The following SHANK2 variants were observed in gnomAD, a reference collection of about 807,000 sequenced individuals.
SHANK2 encodes SH3 and multiple ankyrin repeat domains 2, also known as SH3 and multiple ankyrin repeat domains protein 2.
In SHANK2, 43 loss-of-function variants were observed where a neutral mutation model predicts 133.7. The ratio of observed to expected loss-of-function variants is 0.32; its 90% CI spans 0.25 to 0.41. SHANK2 has a LOEUF of 0.41. Among genes scored for constraint, SHANK2 ranks in the 10% least tolerant of loss-of-function variants. The pLI is 1.00. For missense variants in SHANK2, 1,994 were observed against 2,235.8 expected (o/e 0.89, Z 2.18); for synonymous variants, 1,017 against 952.8 (o/e 1.07, Z -1.24).
At chr11:70,580,040 T>A (rs540854835) in intron 17 of SHANK2, among the ~76,000 whole-genome samples, 96 of 152,324 alleles carry the variant, frequency 6.3e-4, no homozygotes, top group Non-Finnish European at 1.0e-3. Flanking sequence ...GACTTCTGGC[T>A]TTCACAACGC....
At position 70,661,645 on chromosome 11, in the gene SHANK2, C is replaced by T; in HGVS notation, c.1887G>A (p.Leu629=). 6.2e-7 allele frequency: 1 copy of T among 1,614,028 alleles called. No homozygotes were observed. Among genetic ancestry groups the T allele is most frequent in the African/African-American group, 1.3e-5 (1 of 74,998 alleles). Residue 629 remains leucine (L), a synonymous_variant, in exon 16 of 26, where the codon CTG becomes CTA. Transcript: ENST00000601538. ...DCIIEEKTVV[L]QKKDNEGFGF... ...CAAAGCCCTCATTGTCTTTTTTCTG[C>T]AGGACCACCGTCTTCTCCTCAATAA... is the stretch of plus-strand genomic sequence containing the variant.
intron 17 of SHANK2, among the ~76,000 whole-genome samples, chr11:70,516,110 G>A (rs1207423243): frequency 6.6e-6 from 1 of 152,088 alleles, no homozygotes; most frequent in East Asian, 1.9e-4. Flanking sequence ...CAATTATTTT[G>A]TGAATACTGA....
intron 2 of SHANK2, among the ~76,000 whole-genome samples, chr11:71,210,902 C>A (rs1591024094): frequency 6.6e-6 from 1 of 152,184 alleles, no homozygotes; most frequent in Admixed American, 6.5e-5. Flanking sequence ...GCACTCCCCT[C>A]ATCCTCACGG....
At chr11:71,218,261 C>CTTTTTTTTTTTTTTTTT (rs71049964) in intron 2 of SHANK2, among the ~76,000 whole-genome samples, 1 of 72,522 alleles carries the variant, frequency 1.4e-5, no homozygotes, top group African/African-American at 4.8e-5. Flanking sequence ...TTTTCTTTTT[C>CTTTTTTTTTTTTTTTTT]TTTTTTTTTT....
chr11:70,850,230 G>A (rs1339146435), intron 11 of SHANK2, among the ~76,000 whole-genome samples: 1 of 152,158 alleles, frequency 6.6e-6, no homozygotes, highest in Non-Finnish European at 1.5e-5. Flanking sequence ...GTACTCAGGT[G>A]ACCAGATGGG....
chr11:70,787,825 C>T (rs1470018398), intron 14 of SHANK2, among the ~76,000 whole-genome samples: 1 of 152,212 alleles, frequency 6.6e-6, no homozygotes, highest in Non-Finnish European at 1.5e-5. Context: ...GATGTCAGCT[C>T]AGATGTATCT....
chr11:70,919,640 C>T (rs141896960), intron 10 of SHANK2, among the ~76,000 whole-genome samples: 28 of 152,312 alleles, frequency 1.8e-4, no homozygotes, highest in Middle Eastern at 3.4e-3. Flanking sequence ...CCTTGACCTC[C>T]CAAGGTGCTG....
At chr11:70,755,082 T>G (rs1249738157) in intron 14 of SHANK2, among the ~76,000 whole-genome samples, 2 of 152,122 alleles carry the variant, frequency 1.3e-5, no homozygotes, top group Non-Finnish European at 2.9e-5. Context: ...TCTTTTTTTT[T>G]TTTTTCTGAG....
chr11:71,094,151 C>A (rs1555094798), intron 7 of SHANK2, among the ~76,000 whole-genome samples: 1 of 152,042 alleles, frequency 6.6e-6, no homozygotes, highest in Non-Finnish European at 1.5e-5. Context: ...GGTGATGGGT[C>A]ATGGGGGCGG....
rs1948323639 is a variant in SHANK2 at position 70,813,634 on chromosome 11, C to T, written c.1494-6463G>A. 3.3e-5 allele frequency among the ~76,000 whole-genome samples: 5 copies of T among 152,160 alleles called. No homozygotes were observed. The South Asian group carries it at 1.0e-3, about 32-fold the overall frequency. On this transcript the variant is annotated intron_variant, in intron 12 of 25. Coordinates refer to ENST00000601538, the MANE Select transcript of SHANK2 (RefSeq NM_012309.5). ...GTAGGGGAATAGAGAAAGCTGTCAG[C>T]TCAGGTCTCTGGCACAGAGGGCAGC...
intron 15 of SHANK2, among the ~76,000 whole-genome samples, chr11:70,665,991 C>A (rs1306605225): frequency 6.6e-6 from 1 of 152,168 alleles, no homozygotes; most frequent in Non-Finnish European, 1.5e-5. Context: ...CAGCACCCCG[C>A]ATAGGCCAGG....
chr11:70,546,926 A>G (rs1186983014), intron 17 of SHANK2, among the ~76,000 whole-genome samples: 3 of 152,188 alleles, frequency 2.0e-5, no homozygotes, highest in African/African-American at 7.2e-5. Context: ...TCCTGAGTCC[A>G]TCTGTGCGCT....
chr11:70,476,066 TAA>T (rs537108235), intron 25 of SHANK2, among the ~76,000 whole-genome samples: 1 of 144,126 alleles, frequency 6.9e-6, no homozygotes, highest in African/African-American at 2.5e-5. Flanking sequence ...TACTAAAAAT[TAA>T]AAAAAAAAAA....
chr11:70,542,385 C>T (rs74858139), intron 17 of SHANK2, among the ~76,000 whole-genome samples: 4,729 of 152,250 alleles, frequency 0.031, 96 homozygotes, highest in Non-Finnish European at 0.048. Context: ...CAAGGAATAC[C>T]GGGAGCCCCA....
At chr11:71,149,265 C>G (rs568245940) in intron 2 of SHANK2, among the ~76,000 whole-genome samples, 37 of 152,276 alleles carry the variant, frequency 2.4e-4, no homozygotes, top group African/African-American at 8.9e-4. Flanking sequence ...CAAAGCAAGA[C>G]GTAAATTTCA....
chr11:71,148,982 C>T (rs6144386), intron 2 of SHANK2, among the ~76,000 whole-genome samples: 2 of 151,706 alleles, frequency 1.3e-5, no homozygotes, highest in Non-Finnish European at 2.9e-5. Flanking sequence ...GGGTGGGCCG[C>T]GCTGCTTGGA....
intron 14 of SHANK2, among the ~76,000 whole-genome samples, chr11:70,699,843 G>A (rs1945480907): frequency 6.6e-6 from 1 of 152,188 alleles, no homozygotes; most frequent in African/African-American, 2.4e-5. Flanking sequence ...ACATTTCCCA[G>A]CCTCCCTTGA....
chr11:71,074,169 T>C (rs1206432813), intron 9 of SHANK2, among the ~76,000 whole-genome samples: 1 of 152,198 alleles, frequency 6.6e-6, no homozygotes, highest in Non-Finnish European at 1.5e-5. Flanking sequence ...TGACCTGAGA[T>C]GCCCCCTGCA....
intron 17 of SHANK2, among the ~76,000 whole-genome samples, chr11:70,622,075 G>A (rs2060836538): frequency 6.6e-6 from 1 of 152,168 alleles, no homozygotes; most frequent in Non-Finnish European, 1.5e-5. Context: ...AGGCACATTG[G>A]GGCAAAGGGG....
Sources: gnomAD v4.1 joint callset for allele counts (sites outside exome capture counted in the v4.1 genomes callset) on GRCh38, gnomAD v4.1.1 for gene constraint, MANE v1.5 for transcripts, NCBI Gene and HGNC (gene_info 2026-07-23, HGNC 2026-07-21) for gene names.